IGFL2: variants seen among roughly 807,000 people sequenced by gnomAD.
IGFL2 encodes the protein insulin growth factor-like family member 2.
In IGFL2, 7 loss-of-function variants were observed where a neutral mutation model predicts 13.9. The observed-to-expected ratio is 0.51, with a 90% confidence interval of 0.29 to 0.95. The LOEUF (loss-of-function observed/expected upper bound fraction) is 0.95, where lower values mean the gene tolerates loss of function less well. Ranked by LOEUF, IGFL2 falls within the 40% of genes least tolerant of loss-of-function variation. IGFL2 has a pLI of 0.08. For missense variants in IGFL2, 138 were observed against 147.8 expected, an observed-to-expected ratio of 0.93 and a Z score of 0.34; for synonymous variants, 55 against 55.8, an observed-to-expected ratio of 0.99 and a Z score of 0.07.
the IGFL2 span, among the ~76,000 whole-genome samples, chr19:46,197,720 C>T: frequency 2.0e-5 from 3 of 151,988 alleles, no homozygotes; most frequent in African/African-American, 4.8e-5. Flanking sequence ...TTTGGACAGA[C>T]GGGGTTTCAG....
At chr19:46,191,352 C>G in the IGFL2 span, among the ~76,000 whole-genome samples, 1 of 152,068 alleles carries the variant, frequency 6.6e-6, no homozygotes, top group Non-Finnish European at 1.5e-5. Context: ...CTATTCCTCA[C>G]TGAATTTTCC....
the IGFL2 span, among the ~76,000 whole-genome samples, chr19:46,109,636 G>C: frequency 6.6e-6 from 1 of 152,068 alleles, no homozygotes; most frequent in Non-Finnish European, 1.5e-5. Context: ...TCTTAAGGGT[G>C]GGGGAGAATA....
At chr19:46,201,877 C>T in the IGFL2 span, among the ~76,000 whole-genome samples, 1 of 149,916 alleles carries the variant, frequency 6.7e-6, no homozygotes, top group Non-Finnish European at 1.5e-5. Context: ...ACTCTGCCTT[C>T]AGCTCCAGCC....
upstream of IGFL2, chr19:46,148,141 A>G (rs922508685): frequency 7.0e-5 from 47 of 670,300 alleles, no homozygotes; most frequent in East Asian, 1.4e-3. Context: ...GTGGCTTCTC[A>G]TGCCCCACCC....
chr19:46,137,082 G>T, the IGFL2 span: 1 of 1,601,640 alleles, frequency 6.2e-7, no homozygotes. Context: ...GGGGAAGACG[G>T]CTTAGGAGAC....
upstream of IGFL2, among the ~76,000 whole-genome samples, chr19:46,146,615 C>T (rs1040656530): frequency 6.6e-6 from 1 of 152,106 alleles, no homozygotes; most frequent in Non-Finnish European, 1.5e-5. Context: ...TTTAAGGTTT[C>T]CTTGAATACT....
the IGFL2 span, among the ~76,000 whole-genome samples, chr19:46,107,403 G>A: frequency 6.6e-6 from 1 of 152,206 alleles, no homozygotes; most frequent in Non-Finnish European, 1.5e-5. Flanking sequence ...TAGGCGAATT[G>A]GACAGTCTGA....
At chr19:46,149,858 T>G in intron 1 of IGFL2, among the ~76,000 whole-genome samples, 1 of 152,204 alleles carries the variant, frequency 6.6e-6, no homozygotes, top group East Asian at 1.9e-4. Context: ...ATGTATTTGC[T>G]TGAGAACCTG....
At chr19:46,088,805 A>G in the IGFL2 span, among the ~76,000 whole-genome samples, 1 of 152,256 alleles carries the variant, frequency 6.6e-6, no homozygotes, top group Non-Finnish European at 1.5e-5. Flanking sequence ...CAGATGAAGT[A>G]ATATCATAGC....
the IGFL2 span, among the ~76,000 whole-genome samples, chr19:46,100,312 G>A: frequency 6.6e-6 from 1 of 152,122 alleles, no homozygotes; most frequent in Non-Finnish European, 1.5e-5. Flanking sequence ...GACAAGAAAA[G>A]TCTCAATCAT....
chr19:46,209,503 G>C, the IGFL2 span: 5 of 152,226 alleles, frequency 3.3e-5, no homozygotes, highest in Non-Finnish European at 4.4e-5. Flanking sequence ...GCTAGAAGAG[G>C]GTAGGGATGG....
At chr19:46,116,480 T>G in the IGFL2 span, among the ~76,000 whole-genome samples, 1 of 152,234 alleles carries the variant, frequency 6.6e-6, no homozygotes, top group South Asian at 2.1e-4. Context: ...TCAGATATAT[T>G]GAATCTTTCC....
At chr19:46,197,814 G>C in the IGFL2 span, among the ~76,000 whole-genome samples, 2 of 152,004 alleles carry the variant, frequency 1.3e-5, no homozygotes, top group Admixed American at 1.3e-4. Context: ...TTAAAGGTGT[G>C]AGTCACTGTG....
the IGFL2 span, among the ~76,000 whole-genome samples, chr19:46,103,978 G>A: frequency 6.6e-6 from 1 of 152,148 alleles, no homozygotes; most frequent in African/African-American, 2.4e-5. Flanking sequence ...TGGGGTACTA[G>A]AGATGACTAA....
the IGFL2 span, among the ~76,000 whole-genome samples, chr19:46,103,788 G>T: frequency 6.6e-6 from 1 of 152,140 alleles, no homozygotes; most frequent in South Asian, 2.1e-4. Flanking sequence ...ATGATAGGAT[G>T]TATTAGGCTT....
chr19:46,123,846 C>A, the IGFL2 span: 14 of 1,565,154 alleles, frequency 8.9e-6, no homozygotes, highest in Admixed American at 1.8e-4. Flanking sequence ...CCTCATCCCT[C>A]CCTCATTCCT....
At chr19:46,178,262 G>A in the IGFL2 span, among the ~76,000 whole-genome samples, 2 of 147,996 alleles carry the variant, frequency 1.4e-5, no homozygotes, top group African/African-American at 2.4e-5. Context: ...GGGCAACAGA[G>A]CAAGACTCTG....
intron 1 of IGFL2, among the ~76,000 whole-genome samples, chr19:46,158,601 AG>A (rs1428483826): frequency 1.3e-5 from 2 of 152,212 alleles, no homozygotes; most frequent in African/African-American, 2.4e-5. Flanking sequence ...GGAAAGGCAG[AG>A]GAACTAGAAT....
chr19:46,128,610 T>G, the IGFL2 span, among the ~76,000 whole-genome samples: 5 of 152,318 alleles, frequency 3.3e-5, no homozygotes, highest in South Asian at 1.0e-3. Context: ...AATTATGTGG[T>G]TTTTGTCTTT....
Sources: gnomAD v4.1 joint callset for allele counts (sites outside exome capture counted in the v4.1 genomes callset) on GRCh38, gnomAD v4.1.1 for gene constraint, MANE v1.5 for transcripts, NCBI Gene and HGNC (gene_info 2026-07-23, HGNC 2026-07-21) for gene names.